The following DCDC2 variants were observed in gnomAD, a reference collection of about 807,000 sequenced individuals.
DCDC2 encodes doublecortin domain containing 2.
A neutral mutation model predicts 50.2 loss-of-function variants in DCDC2; 40 were observed. The observed-to-expected ratio is 0.80, with a 90% CI of 0.62 to 1.04. The LOEUF (loss-of-function observed/expected upper bound fraction) is 1.04, where lower values mean the gene tolerates loss of function less well. Ranked by LOEUF, DCDC2 falls within the 50% of genes least tolerant of loss-of-function variation. DCDC2 has a pLI of 0.00. For synonymous variants in DCDC2, 234 were observed against 210.6 expected, an observed-to-expected ratio of 1.11 and a Z score of -0.96; for missense variants, 570 against 581.9, an observed-to-expected ratio of 0.98 and a Z score of 0.21.
chr6:24,347,756 C>A (rs1334949247), intron 2 of DCDC2, among the ~76,000 whole-genome samples: 3 of 152,120 alleles, frequency 2.0e-5, no homozygotes, highest in South Asian at 4.1e-4. Context: ...TGCAAATTAT[C>A]CTACAGGGGC....
At chr6:24,249,223 GTTT>G (rs537844459) in intron 7 of DCDC2, among the ~76,000 whole-genome samples, 1 of 152,142 alleles carries the variant, frequency 6.6e-6, no homozygotes, top group African/African-American at 2.4e-5. Context: ...TGAGCTGATT[GTTT>G]TTAATACTTC....
At chr6:24,265,920 CA>C (rs1209524347) in intron 7 of DCDC2, among the ~76,000 whole-genome samples, 1 of 148,436 alleles carries the variant, frequency 6.7e-6, no homozygotes, top group Non-Finnish European at 1.5e-5. Flanking sequence ...GAAATTGAAA[CA>C]AAAAATACAA....
rs945327688 is a variant in DCDC2 at position 24,270,597 on chromosome 6, C to T, written c.922+7452G>A. On this transcript the variant is annotated intron_variant, in intron 7 of 9. Transcript: ENST00000378454. ...AGGATCTGCTGATATTCTAAAGGAC[C>T]GGGCCCTTTCCAGGTTTTATATCAC... Among the ~76,000 whole-genome samples, 8 of 152,084 alleles carry T rather than the reference C, an allele frequency of 5.3e-5. No homozygotes were observed. The East Asian group carries it at 1.5e-3, about 29-fold the overall frequency.
intron 2 of DCDC2, among the ~76,000 whole-genome samples, chr6:24,306,650 G>T (rs144424928): frequency 6.6e-5 from 10 of 152,226 alleles, no homozygotes; most frequent in African/African-American, 2.4e-4. Context: ...TGCTGGAATG[G>T]GATGAGCTAG....
At chr6:24,234,383 G>A (rs1311183325) in intron 7 of DCDC2, among the ~76,000 whole-genome samples, 4 of 152,152 alleles carry the variant, frequency 2.6e-5, no homozygotes, top group African/African-American at 4.8e-5. Flanking sequence ...GCTTTGTCCC[G>A]TGGGCAACAG....
Position 24,215,712 on chromosome 6 carries a change from C to CCATAA in DCDC2, c.923-10611_923-10610insTTATG, listed in dbSNP as rs1761958097. 2.0e-5 allele frequency among the ~76,000 whole-genome samples: 3 copies of CCATAA among 152,250 alleles called. No homozygotes were observed. In the South Asian group the frequency reaches 6.2e-4, roughly 32 times the overall value. On this transcript the variant is annotated intron_variant, in intron 7 of 9. Coordinates refer to ENST00000378454, the MANE Select transcript of DCDC2 (RefSeq NM_016356.5). ...GCAATGAAATGGGAAACAAAGCATG[C>CCATAA]CATGATGGGTCAGGACGCTCCGAAG... is the stretch of plus-strand genomic sequence containing the variant.
intron 1 of DCDC2, among the ~76,000 whole-genome samples, chr6:24,354,422 T>G (rs559779364): frequency 1.3e-5 from 2 of 152,274 alleles, no homozygotes; most frequent in Admixed American, 6.5e-5. Context: ...ACTACTACAA[T>G]TGCCAACTTG....
At chr6:24,301,178 T>C (rs1439773640) in intron 4 of DCDC2, among the ~76,000 whole-genome samples, 3 of 151,886 alleles carry the variant, frequency 2.0e-5, no homozygotes, top group Non-Finnish European at 4.4e-5. Context: ...GAGCCCATCC[T>C]GGCTAACATG....
chr6:24,236,940 C>T (rs1400789080), intron 7 of DCDC2, among the ~76,000 whole-genome samples: 6 of 151,368 alleles, frequency 4.0e-5, no homozygotes, highest in Non-Finnish European at 8.8e-5. Flanking sequence ...ATCTGGGAGG[C>T]GGAGGTTGTA....
chr6:24,195,247 C>G (rs1761407315), intron 8 of DCDC2, among the ~76,000 whole-genome samples: 2 of 152,108 alleles, frequency 1.3e-5, no homozygotes, highest in Admixed American at 6.6e-5. Flanking sequence ...ATAGCAGTAG[C>G]CAAAATAGCA....
At position 24,357,773 on chromosome 6, in the gene DCDC2, A is replaced by G; in HGVS notation, c.-23T>C. 6.2e-7 allele frequency: 1 copy of G among 1,612,080 alleles called. No homozygotes were observed. Among genetic ancestry groups the G allele is most frequent in the Non-Finnish European group, 8.5e-7 (1 of 1,179,310 alleles). ...CATCTTCCCCGCTGGCCGCCGCCTC[A>G]GCTCGCTGCTTCGCGTCGGGAGGCA... On this transcript the variant is annotated 5_prime_UTR_variant, in exon 1 of 10. Transcript: ENST00000378454.
intron 1 of DCDC2, among the ~76,000 whole-genome samples, chr6:24,354,328 T>C (rs1760426903): frequency 6.6e-6 from 1 of 152,160 alleles, no homozygotes; most frequent in Non-Finnish European, 1.5e-5. Context: ...GCTTCATACA[T>C]AAAATGTGCT....
intron 7 of DCDC2, among the ~76,000 whole-genome samples, chr6:24,222,896 T>C (rs1045208749): frequency 6.6e-6 from 1 of 152,244 alleles, no homozygotes; most frequent in African/African-American, 2.4e-5. Flanking sequence ...CTTATTTGAA[T>C]ATATTTTCCT....
intron 2 of DCDC2, among the ~76,000 whole-genome samples, chr6:24,347,387 C>T (rs773945841): frequency 1.1e-4 from 16 of 152,074 alleles, no homozygotes; most frequent in Non-Finnish European, 1.5e-4. Context: ...AACAGGCACA[C>T]AATAAATATA....
intron 8 of DCDC2, among the ~76,000 whole-genome samples, chr6:24,186,939 C>G (rs1761216470): frequency 6.6e-6 from 1 of 152,112 alleles, no homozygotes; most frequent in East Asian, 1.9e-4. Flanking sequence ...CCAAGAGAAG[C>G]CTGAGAACAA....
At chr6:24,308,153 G>A (rs1421213105) in intron 2 of DCDC2, among the ~76,000 whole-genome samples, 1 of 152,184 alleles carries the variant, frequency 6.6e-6, no homozygotes, top group African/African-American at 2.4e-5. Context: ...CCAAGAGCAG[G>A]GCAAAAGAGC....
chr6:24,289,109 T>A (rs1309802149), intron 5 of DCDC2, among the ~76,000 whole-genome samples: 1 of 152,218 alleles, frequency 6.6e-6, no homozygotes, highest in Non-Finnish European at 1.5e-5. Context: ...ATTTGTAATG[T>A]TTTCCTGTAT....
chr6:24,335,748 G>A (rs747158946), intron 2 of DCDC2, among the ~76,000 whole-genome samples: 6 of 152,164 alleles, frequency 3.9e-5, no homozygotes, highest in Admixed American at 6.5e-5. Context: ...CCTTCTTCAC[G>A]TGGTGGCAGG....
chr6:24,322,464 G>A (rs1261644727), intron 2 of DCDC2, among the ~76,000 whole-genome samples: 3 of 149,734 alleles, frequency 2.0e-5, no homozygotes, highest in African/African-American at 4.9e-5. Flanking sequence ...CATTCTATAC[G>A]AATCTCCTTT....
Sources: allele counts gnomAD v4.1 joint callset (sites outside exome capture counted in the v4.1 genomes callset), GRCh38; gene constraint gnomAD v4.1.1; transcripts MANE v1.5; gene names NCBI Gene and HGNC (gene_info 2026-07-23, HGNC 2026-07-21).